KLRG1: variants seen among roughly 807,000 people sequenced by gnomAD.
The protein encoded by KLRG1 is killer cell lectin-like receptor subfamily G member 1.
Under a neutral mutation model 21.8 loss-of-function variants are expected in KLRG1, and 16 were observed. The observed-to-expected ratio is 0.73, with a 90% CI of 0.50 to 1.11. KLRG1 has a LOEUF of 1.11. Ranked by LOEUF, KLRG1 falls within the 50% of genes most tolerant of loss-of-function variation. The pLI is 0.00. For missense variants in KLRG1, 173 were observed against 218.3 expected (o/e 0.79, Z 1.31); for synonymous variants, 69 against 75.9 (o/e 0.91, Z 0.47).
chr12:9,063,572 T>G, the KLRG1 span, among the ~76,000 whole-genome samples: 1 of 152,132 alleles, frequency 6.6e-6, no homozygotes, highest in African/African-American at 2.4e-5. Flanking sequence ...ATTCCAAGAT[T>G]CCCATGCCAC....
chr12:9,179,938 C>T, the KLRG1 span, among the ~76,000 whole-genome samples: 2 of 152,148 alleles, frequency 1.3e-5, no homozygotes, highest in African/African-American at 4.8e-5. Flanking sequence ...TCAGCTTGTG[C>T]CACTTATCTT....
At chr12:8,955,833 C>T (rs1028745934) in intron 1 of KLRG1, among the ~76,000 whole-genome samples, 2 of 152,194 alleles carry the variant, frequency 1.3e-5, no homozygotes, top group African/African-American at 2.4e-5. Context: ...AACCAACCTT[C>T]GAGTCAAAGA....
chr12:9,106,412 C>T, the KLRG1 span: 20 of 1,430,138 alleles, frequency 1.4e-5, no homozygotes, highest in Non-Finnish European at 2.0e-5. Context: ...TATCACCTCC[C>T]CCCAACTTAC....
chr12:9,110,372 T>A, the KLRG1 span: 1 of 1,275,406 alleles, frequency 7.8e-7, no homozygotes, highest in Non-Finnish European at 1.1e-6. Flanking sequence ...ATAATTATTT[T>A]CAAATATTCT....
At chr12:9,025,869 C>A in the KLRG1 span, among the ~76,000 whole-genome samples, 1 of 152,086 alleles carries the variant, frequency 6.6e-6, no homozygotes, top group African/African-American at 2.4e-5. Context: ...TCAGTGAAAT[C>A]AAAGACAAGG....
At chr12:9,169,133 T>A in the KLRG1 span, among the ~76,000 whole-genome samples, 273 of 152,058 alleles carry the variant, frequency 1.8e-3, no homozygotes, top group African/African-American at 6.3e-3. Flanking sequence ...ACTAAACTTA[T>A]GGATTATTAA....
At chr12:9,084,336 G>A in the KLRG1 span, among the ~76,000 whole-genome samples, 1 of 152,036 alleles carries the variant, frequency 6.6e-6, no homozygotes, top group Non-Finnish European at 1.5e-5. Context: ...TTTATCTCTA[G>A]TACAAGGGTT....
chr12:9,093,580 CTATGG>C, the KLRG1 span: 231,072 of 1,562,510 alleles, frequency 0.15, 17,998 homozygotes, highest in African/African-American at 0.21. Flanking sequence ...ACATCTGACT[CTATGG>C]TGAGTGAGGA....
the KLRG1 span, among the ~76,000 whole-genome samples, chr12:9,112,950 C>T: frequency 7.2e-5 from 11 of 152,160 alleles, no homozygotes; most frequent in African/African-American, 2.7e-4. Context: ...AGAGATATTA[C>T]ACCTTTGCTC....
the KLRG1 span, among the ~76,000 whole-genome samples, chr12:9,073,327 A>AG: frequency 2.3e-5 from 2 of 85,196 alleles, no homozygotes; most frequent in African/African-American, 5.9e-5. Context: ...CTTTGCAGCC[A>AG]TGAGCAGAGT....
chr12:8,980,179 G>A lies in KLRG1; in HGVS notation c.-155-12027G>A, dbSNP rs142763490. On this transcript the variant is annotated intron_variant, in intron 1 of 4. Transcript: ENST00000539240. Reference sequence around the variant, plus strand: ...GCCTCTCAAAGTGCTGGGATTACTGGGATTACTGGGATTACAGGTGTGAGT... The same window carrying A: ...GCCTCTCAAAGTGCTGGGATTACTGAGATTACTGGGATTACAGGTGTGAGT... 3.0e-3 allele frequency among the ~76,000 whole-genome samples: 460 copies of A among 151,754 alleles called. 3 individuals are homozygous for A. Among genetic ancestry groups the A allele is most frequent in the African/African-American group, 0.011 (443 of 41,372 alleles).
At chr12:9,101,211 CA>C in the KLRG1 span, 10 of 1,555,776 alleles carry the variant, frequency 6.4e-6, no homozygotes, top group South Asian at 9.5e-5. Flanking sequence ...CCATTATCTG[CA>C]AAAAAGGAAA....
upstream of KLRG1, among the ~76,000 whole-genome samples, chr12:8,985,602 T>A (rs2137304903): frequency 6.6e-6 from 1 of 152,338 alleles, no homozygotes. Context: ...CCCTTTGAGT[T>A]CAGTTAATTT....
intron 1 of KLRG1, among the ~76,000 whole-genome samples, chr12:8,959,557 G>C (rs1041396229): frequency 2.6e-5 from 4 of 152,192 alleles, no homozygotes; most frequent in African/African-American, 9.7e-5. Flanking sequence ...AAAAGTGTCT[G>C]TCGTTCTCCT....
At chr12:9,166,068 C>G in the KLRG1 span, 1 of 1,608,788 alleles carries the variant, frequency 6.2e-7, no homozygotes, top group Non-Finnish European at 8.5e-7. Context: ...GCCACCAACT[C>G]CCAGATCCAA....
At chr12:9,154,933 A>G in the KLRG1 span, 3 of 1,241,762 alleles carry the variant, frequency 2.4e-6, no homozygotes, top group Non-Finnish European at 3.4e-6. Context: ...CATGGAGCTG[A>G]AAATAATACA....
intron 1 of KLRG1, among the ~76,000 whole-genome samples, chr12:8,978,140 T>A (rs1257933393): frequency 6.6e-6 from 1 of 152,206 alleles, no homozygotes; most frequent in Non-Finnish European, 1.5e-5. Context: ...CAGTGTCATA[T>A]GATTCTGTGT....
chr12:9,150,699 G>A, the KLRG1 span: 1 of 1,613,204 alleles, frequency 6.2e-7, no homozygotes, highest in Non-Finnish European at 8.5e-7. Context: ...CTCCTACTGG[G>A]ATGTCTTGCA....
At chr12:9,159,971 C>T in the KLRG1 span, 1 of 1,613,898 alleles carries the variant, frequency 6.2e-7, no homozygotes, top group Non-Finnish European at 8.5e-7. Flanking sequence ...ATATCGTTCC[C>T]CAAAGGTGCT....
Sources: gnomAD v4.1 joint callset for allele counts (sites outside exome capture counted in the v4.1 genomes callset) on GRCh38, gnomAD v4.1.1 for gene constraint, MANE v1.5 for transcripts, NCBI Gene and HGNC (gene_info 2026-07-23, HGNC 2026-07-21) for gene names.